The following ABL1 variants were observed in gnomAD, a reference collection of about 807,000 sequenced individuals.
ABL1 encodes ABL proto-oncogene 1, non-receptor tyrosine kinase.
ABL1 carries 11 observed loss-of-function variants against 94.7 expected under a neutral mutation model. That is an observed-to-expected ratio of 0.12 (90% CI 0.07 to 0.19). The LOEUF is 0.19. Among genes scored for constraint, ABL1 ranks in the 10% least tolerant of loss-of-function variants. The pLI is 1.00. For synonymous variants in ABL1, 656 were observed against 622.4 expected, an observed-to-expected ratio of 1.05 and a Z score of -0.80; for missense variants, 1,082 against 1,489.4, an observed-to-expected ratio of 0.73 and a Z score of 4.50.
At chr9:130,720,667 C>T (rs1402853140) in intron 1 of ABL1, among the ~76,000 whole-genome samples, 1 of 152,086 alleles carries the variant, frequency 6.6e-6, no homozygotes, top group Non-Finnish European at 1.5e-5. Flanking sequence ...ATGTATGTTT[C>T]AGTATGAAAT....
chr9:130,786,928 C>T (rs191718473), intron 1 of ABL1, among the ~76,000 whole-genome samples: 27 of 146,096 alleles, frequency 1.8e-4, no homozygotes, highest in African/African-American at 6.6e-4. Flanking sequence ...GACTAAATCA[C>T]GACTTTTATT....
At position 130,783,272 on chromosome 9, in the gene ABL1, G is replaced by GT. The variant is rs573387497; in HGVS notation, c.136+68825dup. On this transcript the variant is annotated intron_variant, in intron 1 of 10. Coordinates refer to the ABL1 transcript ENST00000372348. ...GTGTGGAATATTAAATCAATTGTGT[G>GT]TTTTTTTTGGCATCCTTGATGTGAA... Among the ~76,000 whole-genome samples the GT allele has an allele frequency of 7.9e-4, 120 of 151,932 alleles. 1 individual carries two copies. Among genetic ancestry groups the GT allele is most frequent in the Admixed American group, 1.4e-3 (21 of 15,244 alleles).
intron 1 of ABL1, among the ~76,000 whole-genome samples, chr9:130,829,311 A>T (rs1355554406): frequency 6.6e-6 from 1 of 152,216 alleles, no homozygotes; most frequent in African/African-American, 2.4e-5. Flanking sequence ...CTGTAATCGC[A>T]GCACTTTGGG....
At chr9:130,816,145 G>T (rs1412278199) in intron 1 of ABL1, among the ~76,000 whole-genome samples, 3 of 152,030 alleles carry the variant, frequency 2.0e-5, no homozygotes, top group Non-Finnish European at 1.5e-5. Flanking sequence ...TGCTGACTCT[G>T]TTCCTTCCAC....
intron 1 of ABL1, among the ~76,000 whole-genome samples, chr9:130,724,256 A>G (rs911981903): frequency 1.3e-5 from 2 of 152,158 alleles, no homozygotes; most frequent in Admixed American, 1.3e-4. Flanking sequence ...CTGTTTCCCC[A>G]GCATAATGCT....
At chr9:130,837,382 T>C (rs947926335) in intron 1 of ABL1, among the ~76,000 whole-genome samples, 1 of 152,218 alleles carries the variant, frequency 6.6e-6, no homozygotes, top group Non-Finnish European at 1.5e-5. Flanking sequence ...AGTGCAGAGC[T>C]GGAGCAAAGT....
At position 130,884,692 on chromosome 9, in the gene ABL1, T is replaced by A; in HGVS notation, c.2402T>A (p.Ile801Asn). 8 of 1,612,770 alleles carry A rather than the reference T, an allele frequency of 5.0e-6. No individual in the cohort carries two copies. Among genetic ancestry groups the A allele is most frequent in the Non-Finnish European group, 6.8e-6 (8 of 1,179,926 alleles). ...EEAADEVFKD[I>N]MESSPGSSPP... ...GCTGCTGATGAGGTCTTCAAAGACA[T>A]CATGGAGTCCAGCCCGGGCTCCAGC... The change falls in exon 11 of 11, where the codon ATC becomes AAC. Residue 801 changes from isoleucine to asparagine, a missense_variant. Ile to Asn is a moderately radical substitution (Grantham distance 149). This residue lies in a region of ABL1 where 780 missense variants were observed against 835.8 expected (regional missense o/e 0.93). Transcript: ENST00000318560. The surrounding 1 kb of genome is among the most constrained non-coding windows in gnomAD (Gnocchi z 5.6).
intron 1 of ABL1, among the ~76,000 whole-genome samples, chr9:130,734,006 T>C (rs1009357027): frequency 6.6e-5 from 10 of 152,164 alleles, no homozygotes; most frequent in African/African-American, 2.4e-4. Context: ...TAGGGTTACA[T>C]TGCTGATTAG....
intron 3 of ABL1, among the ~76,000 whole-genome samples, chr9:130,859,273 C>T (rs1831024704): frequency 6.6e-6 from 1 of 152,092 alleles, no homozygotes; most frequent in Non-Finnish European, 1.5e-5. Flanking sequence ...AGAAATTTGC[C>T]CAGTTGACAT....
At chr9:130,760,428 A>G (rs1588228010) in intron 1 of ABL1, among the ~76,000 whole-genome samples, 2 of 152,168 alleles carry the variant, frequency 1.3e-5, no homozygotes, top group African/African-American at 2.4e-5. Flanking sequence ...TCTTTCAGTT[A>G]TCTTAACATA....
At chr9:130,873,960 A>G (rs2133000293) in intron 6 of ABL1, among the ~76,000 whole-genome samples, 1 of 152,370 alleles carries the variant, frequency 6.6e-6, no homozygotes, top group East Asian at 1.9e-4. Flanking sequence ...CTTTCAGGAA[A>G]GTGAATCCTC....
intron 1 of ABL1, among the ~76,000 whole-genome samples, chr9:130,822,439 CTTTTTT>C (rs35922505): frequency 9.6e-6 from 1 of 104,408 alleles, no homozygotes; most frequent in Non-Finnish European, 1.9e-5. Context: ...CCCGCCCCTG[CTTTTTT>C]TTTTTTTTTT....
intron 1 of ABL1, among the ~76,000 whole-genome samples, chr9:130,827,285 C>A (rs950108195): frequency 2.0e-5 from 3 of 152,168 alleles, no homozygotes; most frequent in African/African-American, 7.2e-5. Context: ...TTGAAATATT[C>A]TTTTCTAGGG....
intron 1 of ABL1, among the ~76,000 whole-genome samples, chr9:130,846,262 T>C (rs1026643592): frequency 2.6e-5 from 4 of 152,174 alleles, no homozygotes; most frequent in Admixed American, 2.6e-4. Context: ...TTTTGAAAAG[T>C]TGTTTGAGAC....
intron 1 of ABL1, among the ~76,000 whole-genome samples, chr9:130,764,125 G>A (rs547251336): frequency 5.4e-4 from 82 of 152,308 alleles, no homozygotes; most frequent in Non-Finnish European, 9.3e-4. Flanking sequence ...GCCTGCAGTA[G>A]CGCATGGCCT....
chr9:130,766,821 A>G (rs17147211), intron 1 of ABL1, among the ~76,000 whole-genome samples: 2 of 152,108 alleles, frequency 1.3e-5, no homozygotes, highest in African/African-American at 4.8e-5. Context: ...TCCTGTTGCC[A>G]TCTGGGTCTG....
At chr9:130,792,052 A>G (rs1829914963) in intron 1 of ABL1, among the ~76,000 whole-genome samples, 1 of 152,194 alleles carries the variant, frequency 6.6e-6, no homozygotes, top group African/African-American at 2.4e-5. Context: ...CCTAAAGATC[A>G]CACTTGGTTC....
At chr9:130,869,320 G>A (rs1393204338) in intron 4 of ABL1, among the ~76,000 whole-genome samples, 1 of 152,182 alleles carries the variant, frequency 6.6e-6, no homozygotes, top group Non-Finnish European at 1.5e-5. Flanking sequence ...TGCCTTAATA[G>A]TAATAAAAGC....
rs555083872 is a variant in ABL1 at position 130,877,298 on chromosome 9, A to G, written c.1271-1117A>G. Among the ~76,000 whole-genome samples, 8 of 148,586 alleles carry G rather than the reference A, an allele frequency of 5.4e-5. No homozygotes were observed. In the South Asian group the frequency reaches 1.5e-3, roughly 27 times the overall value. On this transcript the variant is annotated intron_variant, in intron 7 of 10. Transcript: ENST00000318560. ...ATCACCCATTTCTCTAAGGAATCTT[A>G]TCCTTTAATGGGAAATGGAATTTTA...
Sources: allele counts gnomAD v4.1 joint callset (sites outside exome capture counted in the v4.1 genomes callset), GRCh38; gene constraint gnomAD v4.1.1; regional missense constraint gnomAD v4.1.1; non-coding constraint Gnocchi (gnomAD v3.1); transcripts MANE v1.5; gene names NCBI Gene and HGNC (gene_info 2026-07-23, HGNC 2026-07-21).